SLC28A3: variants seen among roughly 807,000 people sequenced by gnomAD.
SLC28A3 encodes the protein solute carrier family 28 member 3, also known as concentrative Na(+)-nucleoside cotransporter 3.
A neutral mutation model predicts 84.2 loss-of-function variants in SLC28A3; 68 were observed. The ratio of observed to expected loss-of-function variants is 0.81; its 90% CI spans 0.66 to 0.99. The LOEUF is 0.99. SLC28A3 is among the 50% of genes least tolerant of loss of function. The pLI is 0.00. For synonymous variants in SLC28A3, 267 were observed against 303.6 expected, an observed-to-expected ratio of 0.88 and a Z score of 1.25; for missense variants, 712 against 841.5, an observed-to-expected ratio of 0.85 and a Z score of 1.90.
intron 1 of SLC28A3, among the ~76,000 whole-genome samples, chr9:84,334,660 C>T (rs1826908018): frequency 1.3e-5 from 2 of 151,818 alleles, no homozygotes; most frequent in South Asian, 2.1e-4. Context: ...AACACCTCCC[C>T]ACAACTGCCT....
At chr9:84,297,072 G>T in intron 8 of SLC28A3, 149 bp downstream of exon 8, 1 of 559,480 alleles carries the variant, frequency 1.8e-6, no homozygotes, top group Non-Finnish European at 3.1e-6. Flanking sequence ...AACATTGTCA[G>T]TGGAAAAGAG....
rs758411537 is a variant in SLC28A3 at position 84,288,002 on chromosome 9, GC to G, written c.1280+45del. 4 of 1,610,872 alleles carry G rather than the reference GC, an allele frequency of 2.5e-6. No individual in the cohort carries two copies. The South Asian group carries it at 3.3e-5, about 13-fold the overall frequency. On this transcript the variant is annotated intron_variant, in intron 12 of 17. Coordinates refer to ENST00000376238, the MANE Select transcript of SLC28A3 (RefSeq NM_001199633.2). The stretch of plus-strand genomic sequence containing the variant: ...TGTACATTGACTCCTGGAGTCCCCC[GC>G]CCCGGCTTGGGTAGTCATTAATTAG...
At chr9:84,353,303 G>A in the SLC28A3 span, among the ~76,000 whole-genome samples, 1 of 152,158 alleles carries the variant, frequency 6.6e-6, no homozygotes, top group Non-Finnish European at 1.5e-5. Flanking sequence ...TATACTGGTG[G>A]AAGCTTGAGG....
In SLC28A3 at chr9:84,279,474, C is replaced by T. The variant is rs868634826; in HGVS notation, c.1829-89G>A. ...TTATTTATTTAGAGACAGAGTCTTG[C>T]GCTTTTGCCCAGGCTAGAGTGTAGT... is the stretch of plus-strand genomic sequence containing the variant. On this transcript the variant is annotated intron_variant, in intron 16 of 17. Transcript: ENST00000376238. 3.2e-5 allele frequency: 33 copies of T among 1,044,510 alleles called. No individual in the cohort carries two copies. The African/African-American group carries it at 4.7e-4, about 15-fold the overall frequency. The allele number at this position is 1,044,510 out of a possible 1,614,324, so 64.7% of individuals were successfully genotyped here. A position where few individuals can be genotyped will look rare whatever the true frequency, so the allele number is the denominator to read the frequency against.
chr9:84,289,365 C>T (rs1230590183), intron 11 of SLC28A3, among the ~76,000 whole-genome samples: 1 of 152,172 alleles, frequency 6.6e-6, no homozygotes, highest in Non-Finnish European at 1.5e-5. Flanking sequence ...TACTCAGTTT[C>T]AATATTGGGG....
At chr9:84,337,246 A>C (rs933166188) in intron 1 of SLC28A3, among the ~76,000 whole-genome samples, 4 of 152,072 alleles carry the variant, frequency 2.6e-5, no homozygotes, top group African/African-American at 9.7e-5. Flanking sequence ...GGGCAAGAAG[A>C]GCATATTATT....
the SLC28A3 span, among the ~76,000 whole-genome samples, chr9:84,346,008 C>A: frequency 2.0e-5 from 3 of 152,234 alleles, no homozygotes; most frequent in African/African-American, 7.2e-5. Context: ...AAACAATTCC[C>A]CAGTCATGCA....
At chr9:84,326,878 G>A (rs1046090973) in intron 1 of SLC28A3, among the ~76,000 whole-genome samples, 3 of 151,940 alleles carry the variant, frequency 2.0e-5, no homozygotes, top group Admixed American at 1.3e-4. Flanking sequence ...ACATGGTGGC[G>A]CCTGTAATCC....
intron 13 of SLC28A3, 61 bp from the exon 14 acceptor site, chr9:84,285,603 T>G: frequency 6.4e-7 from 1 of 1,560,976 alleles, no homozygotes; most frequent in Non-Finnish European, 8.8e-7. Flanking sequence ...TTTTGCCTCC[T>G]CAGTGACAAC....
intron 1 of SLC28A3, among the ~76,000 whole-genome samples, chr9:84,322,335 C>G (rs937624548): frequency 5.3e-5 from 8 of 152,108 alleles, no homozygotes; most frequent in African/African-American, 1.9e-4. Flanking sequence ...TTGAATAGCC[C>G]CTAAGCTAAT....
At chr9:84,286,759 A>G (rs1825006281) in intron 12 of SLC28A3, among the ~76,000 whole-genome samples, 1 of 152,142 alleles carries the variant, frequency 6.6e-6, no homozygotes, top group Non-Finnish European at 1.5e-5. Flanking sequence ...CACCTCATTT[A>G]AAAATGGAGT....
chr9:84,350,091 C>A, the SLC28A3 span, among the ~76,000 whole-genome samples: 127 of 152,292 alleles, frequency 8.3e-4, no homozygotes, highest in African/African-American at 3.0e-3. Flanking sequence ...GCAATTATAA[C>A]AAAATGGTAA....
Position 84,299,694 on chromosome 9 carries a change from T to C in SLC28A3, c.556A>G (p.Ile186Val), listed in dbSNP as rs1262611477. ...VIWSSLVLAV[I>V]FWLAFDTAKL... ...GCAGTGTCAAAGGCCAACCAGAAAA[T>C]AACTGCTAGGACCAGGGAGCTCCAG... Residue 186 changes from isoleucine to valine, a missense_variant, in exon 6 of 18, where the codon ATT becomes GTT. Physicochemically the swap from Ile to Val is conservative, Grantham distance 29. Transcript: ENST00000376238. 1 of 1,611,110 alleles carries C rather than the reference T, an allele frequency of 6.2e-7. No individual in the cohort carries two copies. Among genetic ancestry groups the C allele is most frequent in the African/African-American group, 1.3e-5 (1 of 74,624 alleles).
the SLC28A3 span, among the ~76,000 whole-genome samples, chr9:84,368,220 A>T: frequency 6.6e-6 from 1 of 152,150 alleles, no homozygotes; most frequent in Non-Finnish European, 1.5e-5. Flanking sequence ...GCCTGCAAAC[A>T]TATTGTTAAC....
At chr9:84,363,181 G>A in the SLC28A3 span, among the ~76,000 whole-genome samples, 6 of 149,126 alleles carry the variant, frequency 4.0e-5, no homozygotes, top group South Asian at 8.6e-4. Context: ...CTACTAGTAT[G>A]TAAATAAAGA....
intron 1 of SLC28A3, among the ~76,000 whole-genome samples, chr9:84,328,294 G>A (rs1826646060): frequency 6.7e-6 from 1 of 149,578 alleles, no homozygotes; most frequent in Non-Finnish European, 1.5e-5. Flanking sequence ...TTGAAGAACG[G>A]ATTTTAAAAA....
intron 1 of SLC28A3, 98 bp downstream of exon 1, chr9:84,340,476 G>C: frequency 7.8e-7 from 1 of 1,288,264 alleles, no homozygotes; most frequent in South Asian, 1.2e-5. Context: ...GTATTGTCCT[G>C]ATAATCTCCC....
At chr9:84,337,367 T>C (rs1196328913) in intron 1 of SLC28A3, among the ~76,000 whole-genome samples, 1 of 152,062 alleles carries the variant, frequency 6.6e-6, no homozygotes, top group African/African-American at 2.4e-5. Context: ...GTGGGTGTTG[T>C]TGGTATGATA....
chr9:84,317,259 G>C (rs73651760), intron 1 of SLC28A3, among the ~76,000 whole-genome samples: 1 of 152,116 alleles, frequency 6.6e-6, no homozygotes, highest in East Asian at 1.9e-4. Flanking sequence ...ATTAAATTCC[G>C]TTTGGAAATT....
Sources: gnomAD v4.1 joint callset for allele counts (sites outside exome capture counted in the v4.1 genomes callset) on GRCh38, gnomAD v4.1.1 for gene constraint, MANE v1.5 for transcripts, NCBI Gene and HGNC (gene_info 2026-07-23, HGNC 2026-07-21) for gene names.